The following EML5 variants were observed in gnomAD, a reference collection of about 807,000 sequenced individuals.
The protein encoded by EML5 is echinoderm microtubule-associated protein-like 5.
In EML5, 120 loss-of-function variants were observed where a neutral mutation model predicts 250.0. The observed-to-expected ratio is 0.48, with a 90% CI of 0.41 to 0.56. The LOEUF (loss-of-function observed/expected upper bound fraction) is 0.56, where lower values mean the gene tolerates loss of function less well. EML5 is among the 20% of genes least tolerant of loss of function. EML5 has a pLI of 0.00. For missense variants in EML5, 2,006 were observed against 2,437.6 expected, an observed-to-expected ratio of 0.82 and a Z score of 3.73; for synonymous variants, 771 against 806.5, an observed-to-expected ratio of 0.96 and a Z score of 0.75.
chr14:88,699,835 G>A (rs542935204), intron 14 of EML5, among the ~76,000 whole-genome samples: 13 of 152,202 alleles, frequency 8.5e-5, no homozygotes, highest in South Asian at 2.1e-4. Context: ...AAGGAAACAC[G>A]AAACGATGAA....
intron 8 of EML5, among the ~76,000 whole-genome samples, chr14:88,720,386 A>G (rs2140000618): frequency 6.6e-6 from 1 of 152,306 alleles, no homozygotes; most frequent in Non-Finnish European, 1.5e-5. Context: ...CCTCAGTAAA[A>G]TACTGGCAAA....
rs1432058330 is a variant in EML5 at position 88,616,152 on chromosome 14, C to T, written c.5887G>A (p.Asp1963Asn). The change falls in exon 43 of 44, where the codon GAT becomes AAT. Residue 1963 changes from aspartate (D) to asparagine (N), a missense_variant. This residue lies in a region of EML5 where 56 missense variants were observed against 55.1 expected (regional missense o/e 1.02). Coordinates refer to ENST00000554922, the MANE Select transcript of EML5 (RefSeq NM_183387.3). ...GDRHVVSAGGDDCSLFVWKCV... is the reference protein window; with the variant it reads ...GDRHVVSAGGNDCSLFVWKCV... ...GAGAAAGTTACTAACCTGCAGTCAT[C>T]ACCTCCAGCACTAACAACATGTCGA... is the stretch of plus-strand genomic sequence containing the variant. 21 of 1,613,716 alleles carry T rather than the reference C, an allele frequency of 1.3e-5. No homozygotes were observed. Among genetic ancestry groups the T allele is most frequent in the Non-Finnish European group, 1.6e-5 (19 of 1,179,780 alleles).
At chr14:88,622,986 A>T (rs1419820198) in intron 36 of EML5, 2 of 287,556 alleles carry the variant, frequency 7.0e-6, no homozygotes, top group Non-Finnish European at 1.3e-5. Flanking sequence ...CCTCTACAAT[A>T]CATTACAATA....
chr14:88,619,020 A>AT, intron 39 of EML5: 1 of 411,390 alleles, frequency 2.4e-6, no homozygotes, highest in South Asian at 6.9e-5. Flanking sequence ...AATTTTAAAT[A>AT]TTTCCCCAAT....
chr14:88,678,452 T>TA (rs200566698), intron 21 of EML5, among the ~76,000 whole-genome samples: 5 of 151,358 alleles, frequency 3.3e-5, no homozygotes, highest in African/African-American at 7.3e-5. Context: ...TAACATAAAA[T>TA]AAAAAAAAAT....
At chr14:88,775,693 G>A (rs897989640) in intron 1 of EML5, among the ~76,000 whole-genome samples, 19 of 152,294 alleles carry the variant, frequency 1.2e-4, no homozygotes, top group East Asian at 5.8e-4. Flanking sequence ...AACTCACAGC[G>A]CTGAAGGGAA....
At chr14:88,766,597 T>C (rs1000907703) in intron 1 of EML5, among the ~76,000 whole-genome samples, 4 of 152,148 alleles carry the variant, frequency 2.6e-5, no homozygotes, top group African/African-American at 9.7e-5. Context: ...AAAACTTCAT[T>C]AGCAATTTTA....
intron 1 of EML5, among the ~76,000 whole-genome samples, chr14:88,790,666 A>C (rs949437094): frequency 6.6e-6 from 1 of 152,212 alleles, no homozygotes; most frequent in Non-Finnish European, 1.5e-5. Context: ...AGACTAAATT[A>C]TCTGGAGCAG....
intron 1 of EML5, among the ~76,000 whole-genome samples, chr14:88,787,834 G>C (rs544322119): frequency 2.4e-4 from 37 of 152,010 alleles, no homozygotes; most frequent in African/African-American, 9.0e-4. Context: ...ATATTGCACA[G>C]TGCTTAAGAA....
At chr14:88,621,051 A>C in intron 38 of EML5, 62 bp downstream of exon 38, 1 of 1,524,956 alleles carries the variant, frequency 6.6e-7, no homozygotes, top group Non-Finnish European at 8.8e-7. Context: ...CTAGCAATTT[A>C]GAACTTCCAA....
chr14:88,668,380 G>A (rs1567093549), intron 21 of EML5, among the ~76,000 whole-genome samples: 2 of 151,974 alleles, frequency 1.3e-5, no homozygotes, highest in Admixed American at 6.6e-5. Context: ...CAGTGAAGTA[G>A]AGAGAAGAAA....
intron 29 of EML5, among the ~76,000 whole-genome samples, chr14:88,646,285 C>T (rs540886454): frequency 1.9e-4 from 29 of 152,190 alleles, no homozygotes; most frequent in African/African-American, 5.8e-4. Context: ...GATGTTGATA[C>T]GCAATATGAG....
At chr14:88,629,564 T>C (rs1027730921) in intron 33 of EML5, among the ~76,000 whole-genome samples, 1 of 152,216 alleles carries the variant, frequency 6.6e-6, no homozygotes, top group African/African-American at 2.4e-5. Flanking sequence ...TCTCCTATCA[T>C]TTGGAAATGG....
chr14:88,738,471 C>T (rs1428903792), intron 6 of EML5, among the ~76,000 whole-genome samples: 2 of 151,376 alleles, frequency 1.3e-5, no homozygotes, highest in Non-Finnish European at 2.9e-5. Flanking sequence ...AAAAATACAC[C>T]TATCCACATT....
chr14:88,782,852 G>C (rs903430320), intron 1 of EML5, among the ~76,000 whole-genome samples: 1 of 152,146 alleles, frequency 6.6e-6, no homozygotes, highest in Non-Finnish European at 1.5e-5. Context: ...GGCTGAGGTG[G>C]GTGGATCACC....
intron 7 of EML5, among the ~76,000 whole-genome samples, chr14:88,730,093 T>C (rs940213832): frequency 6.6e-6 from 1 of 152,134 alleles, no homozygotes; most frequent in African/African-American, 2.4e-5. Context: ...TATTTTTGTT[T>C]ACCAATGTAT....
intron 1 of EML5, among the ~76,000 whole-genome samples, chr14:88,774,080 T>C (rs2094423395): frequency 6.6e-6 from 1 of 152,134 alleles, no homozygotes; most frequent in South Asian, 2.1e-4. Context: ...TTCATGCCAC[T>C]GCACTCCAGC....
intron 7 of EML5, among the ~76,000 whole-genome samples, chr14:88,730,745 T>C (rs961420761): frequency 6.6e-6 from 1 of 152,150 alleles, no homozygotes; most frequent in Non-Finnish European, 1.5e-5. Flanking sequence ...ATATTCAAAA[T>C]CATTGAGAAA....
At chr14:88,629,339 C>T (rs2090282008) in intron 33 of EML5, among the ~76,000 whole-genome samples, 1 of 152,032 alleles carries the variant, frequency 6.6e-6, no homozygotes, top group African/African-American at 2.4e-5. Flanking sequence ...CTGAGCTTCT[C>T]ATATTTTTAT....
Sources: allele counts gnomAD v4.1 joint callset (sites outside exome capture counted in the v4.1 genomes callset), GRCh38; gene constraint gnomAD v4.1.1; regional missense constraint gnomAD v4.1.1; transcripts MANE v1.5; gene names NCBI Gene and HGNC (gene_info 2026-07-23, HGNC 2026-07-21).